The following DDHD1 variants were observed in gnomAD, a reference collection of about 807,000 sequenced individuals.
DDHD1 encodes the protein phospholipase DDHD1.
Under a neutral mutation model 96.4 loss-of-function variants are expected in DDHD1, and 49 were observed. The observed-to-expected ratio is 0.51, with a 90% CI of 0.40 to 0.64. The LOEUF (loss-of-function observed/expected upper bound fraction) is 0.64. Among genes scored for constraint, DDHD1 ranks in the 30% least tolerant of loss-of-function variants. The pLI is 0.00. For missense variants in DDHD1, 1,106 were observed against 1,161.2 expected, an observed-to-expected ratio of 0.95 and a Z score of 0.69; for synonymous variants, 442 against 446.5, an observed-to-expected ratio of 0.99 and a Z score of 0.13.
rs1393927075 is a variant in DDHD1 at position 53,038,848 on chromosome 14, A to G, written c.*7920T>C. The G allele has an allele frequency of 6.6e-6, 1 of 152,218 alleles. No homozygotes were observed. Among genetic ancestry groups the G allele is most frequent in the East Asian group, 1.9e-4 (1 of 5,200 alleles). The allele number at this position is 152,218 out of a possible 1,614,324, so 9.4% of individuals were successfully genotyped here. On this transcript the variant is annotated 3_prime_UTR_variant, in exon 13 of 13. Coordinates refer to ENST00000673822, the MANE Select transcript of DDHD1 (RefSeq NM_001160148.2). ...TGGTACAATAACAGACACGTAGACC[A>G]ATGGAACACAATAGAGAACACAGAA... is the stretch of plus-strand genomic sequence containing the variant.
chr14:53,041,737 G>A lies in DDHD1; in HGVS notation c.*5031C>T, dbSNP rs932313320. The A allele has an allele frequency of 4.6e-5, 7 of 151,984 alleles. No homozygotes were observed. The highest frequency in any genetic ancestry group is 1.5e-4 in the African/African-American group (6 of 41,372). 9.4% of individuals were successfully genotyped at this position (151,984 alleles called of 1,614,324 possible). ...GGTATTTTGAATCTGAGGCATAAAC[G>A]GAAGTCTGTCCAGACCTGATAGGGT... On this transcript the variant is annotated 3_prime_UTR_variant, in exon 13 of 13. Coordinates refer to ENST00000673822, the MANE Select transcript of DDHD1 (RefSeq NM_001160148.2).
At chr14:53,061,236 A>G (rs1260584401) in intron 7 of DDHD1, 35 bp from the exon 8 acceptor site, 2 of 1,543,386 alleles carry the variant, frequency 1.3e-6, no homozygotes, top group African/African-American at 1.4e-5. Context: ...ACACACACGT[A>G]TTTATAATTT....
intron 1 of DDHD1, among the ~76,000 whole-genome samples, chr14:53,137,218 T>C (rs1366427298): frequency 2.0e-5 from 3 of 152,142 alleles, no homozygotes; most frequent in Admixed American, 6.6e-5. Flanking sequence ...AGTCATAATA[T>C]AGCAACAGGA....
rs1189001387 is a variant in DDHD1, at chr14:53,094,835, T to A, written c.1013-1391A>T. On this transcript the variant is annotated intron_variant, in intron 2 of 12. Transcript: ENST00000673822. ...CTCTAGCCTGGGCAACACAGAGAGA[T>A]CCTGTCTCAAAAAAAAAAAAAAAAT... 4.9e-5 allele frequency among the ~76,000 whole-genome samples: 5 copies of A among 102,642 alleles called. No homozygotes were observed. The East Asian group carries it at 1.8e-3, about 37-fold the overall frequency. 67.3% of individuals were successfully genotyped at this position (102,642 alleles called of 152,430 possible).
rs1566498358 is a variant in DDHD1 at position 53,038,320 on chromosome 14, T to C, written c.*8448A>G. Reference sequence around the variant, plus strand: ...AGACTGATAAACAACTTTAGTCAAGTTTCAGGATACAAAATCAATGCACAA... The same window carrying C: ...AGACTGATAAACAACTTTAGTCAAGCTTCAGGATACAAAATCAATGCACAA... On this transcript the variant is annotated 3_prime_UTR_variant, in exon 13 of 13. Transcript: ENST00000673822. The C allele has an allele frequency of 2.0e-5, 3 of 152,092 alleles. No individual in the cohort carries two copies. The highest frequency in any genetic ancestry group is 1.3e-4 in the Admixed American group (2 of 15,244). The allele number at this position is 152,092 out of a possible 1,614,324, so 9.4% of individuals were successfully genotyped here.
chr14:53,129,927 G>A (rs555734192), intron 1 of DDHD1, among the ~76,000 whole-genome samples: 32 of 152,244 alleles, frequency 2.1e-4, no homozygotes, highest in African/African-American at 7.2e-4. Context: ...GGTGCCCGAC[G>A]TCCAGGCATT....
intron 1 of DDHD1, among the ~76,000 whole-genome samples, chr14:53,124,004 G>A (rs1180578003): frequency 6.6e-6 from 1 of 151,994 alleles, no homozygotes; most frequent in Non-Finnish European, 1.5e-5. Context: ...GGCCAAGGCG[G>A]GCGGATCACC....
intron 3 of DDHD1, chr14:53,092,476 TA>T (rs1277250565): frequency 1.9e-4 from 29 of 152,336 alleles, no homozygotes; most frequent in African/African-American, 6.3e-4. Flanking sequence ...TTTTTACATT[TA>T]TTTTTTGATA....
intron 4 of DDHD1, among the ~76,000 whole-genome samples, chr14:53,078,702 TCTTG>T (rs556356478): frequency 3.4e-4 from 52 of 152,334 alleles, no homozygotes; most frequent in African/African-American, 1.3e-3. Flanking sequence ...TTATTTCTTT[TCTTG>T]CTTAATTGCT....
intron 3 of DDHD1, chr14:53,092,283 A>G (rs188916213): frequency 6.3e-4 from 102 of 160,744 alleles, no homozygotes; most frequent in Admixed American, 1.1e-3. Context: ...ACTTAAGTAT[A>G]CAGAGAGAGC....
chr14:53,103,189 T>G (rs1808084267), intron 2 of DDHD1: 1 of 745,784 alleles, frequency 1.3e-6, no homozygotes, highest in Admixed American at 3.3e-5. Flanking sequence ...AATATGCAAG[T>G]GCTGAATAAA....
At chr14:53,118,110 G>T (rs1888690331) in intron 1 of DDHD1, among the ~76,000 whole-genome samples, 1 of 152,162 alleles carries the variant, frequency 6.6e-6, no homozygotes, top group African/African-American at 2.4e-5. Context: ...GAAAGGAACA[G>T]CATCAACATC....
Position 53,127,801 on chromosome 14 carries a change from C to A in DDHD1, c.839-23945G>T, listed in dbSNP as rs1455599733. Among the ~76,000 whole-genome samples, 8 of 152,126 alleles carry A rather than the reference C, an allele frequency of 5.3e-5. No individual in the cohort carries two copies. In the East Asian group the frequency reaches 1.5e-3, roughly 29 times the overall value. ...CTGGTGTTATTAGTAAAAGGTAGGT[C>A]TTTTTATGTGAAAATAGATCCTTAA... On this transcript the variant is annotated intron_variant, in intron 1 of 12. Coordinates refer to ENST00000673822, the MANE Select transcript of DDHD1 (RefSeq NM_001160148.2).
intron 1 of DDHD1, among the ~76,000 whole-genome samples, chr14:53,109,540 G>A (rs985638929): frequency 6.6e-6 from 1 of 152,080 alleles, no homozygotes; most frequent in South Asian, 2.1e-4. Flanking sequence ...TCTGTCTTGC[G>A]GTAGTGCTGA....
chr14:53,133,253 C>T (rs983337289), intron 1 of DDHD1, among the ~76,000 whole-genome samples: 1 of 152,228 alleles, frequency 6.6e-6, no homozygotes, highest in African/African-American at 2.4e-5. Context: ...ACTTTACTCA[C>T]ATGCCTCGAG....
chr14:53,049,705 C>G (rs956963347), intron 12 of DDHD1, among the ~76,000 whole-genome samples: 1 of 141,952 alleles, frequency 7.0e-6, no homozygotes, highest in Non-Finnish European at 1.5e-5. Context: ...ACTTCTTTTT[C>G]TCTCTGGAAT....
In DDHD1 at chr14:53,147,797, A is replaced by G. The variant is rs565372610; in HGVS notation, c.838+4464T>C. Among the ~76,000 whole-genome samples, 3 of 152,242 alleles carry G rather than the reference A, an allele frequency of 2.0e-5. No individual in the cohort carries two copies. The East Asian group carries it at 5.8e-4, about 29-fold the overall frequency. ...AGAGTAAAAGATAAAAGTCTCCAACACTTTTTCAGGGTCAGGCACGATCCC... is the reference window on the plus strand; with the variant it reads ...AGAGTAAAAGATAAAAGTCTCCAACGCTTTTTCAGGGTCAGGCACGATCCC... On this transcript the variant is annotated intron_variant, in intron 1 of 12. Coordinates refer to ENST00000673822, the MANE Select transcript of DDHD1 (RefSeq NM_001160148.2).
chr14:53,142,473 A>C (rs1486759523), intron 1 of DDHD1, among the ~76,000 whole-genome samples: 1 of 152,154 alleles, frequency 6.6e-6, no homozygotes, highest in African/African-American at 2.4e-5. Flanking sequence ...AAAAAAAAAA[A>C]AAACAGGAAC....
intron 12 of DDHD1, chr14:53,048,716 G>A (rs1210902393): frequency 1.3e-5 from 2 of 152,142 alleles, no homozygotes; most frequent in African/African-American, 4.8e-5. Context: ...CATGTGGACT[G>A]GTGAGTTAGT....
Sources: allele counts gnomAD v4.1 joint callset (sites outside exome capture counted in the v4.1 genomes callset), GRCh38; gene constraint gnomAD v4.1.1; transcripts MANE v1.5; gene names NCBI Gene and HGNC (gene_info 2026-07-23, HGNC 2026-07-21).